The following DNAAF11 variants were observed in gnomAD, a reference collection of about 807,000 sequenced individuals.
The protein encoded by DNAAF11 is leucine rich repeat containing 6.
Under a neutral mutation model 60.8 loss-of-function variants are expected in DNAAF11, and 45 were observed. The observed-to-expected ratio is 0.74, with a 90% CI of 0.58 to 0.95. DNAAF11 has a LOEUF of 0.95. Among genes scored for constraint, DNAAF11 ranks in the 40% least tolerant of loss-of-function variants. DNAAF11 has a pLI of 0.00. For missense variants in DNAAF11, 546 were observed against 546.2 expected, an observed-to-expected ratio of 1.00 and a Z score of 0.00; for synonymous variants, 191 against 183.5, an observed-to-expected ratio of 1.04 and a Z score of -0.33.
Position 132,615,102 on chromosome 8 carries a change from G to A in DNAAF11, c.915-5C>T, listed in dbSNP as rs1228015328. 1 of 1,595,200 alleles carries A rather than the reference G, an allele frequency of 6.3e-7. No individual in the cohort carries two copies. The highest frequency in any genetic ancestry group is 1.3e-5 in the African/African-American group (1 of 74,558). ...TCTTTCAAAGAGAAGTCAATTCTAA[G>A]AATAACACATTTGGTGGGAAAAAAG... On this transcript the variant is annotated splice_region_variant and splice_polypyrimidine_tract_variant and intron_variant, in intron 7 of 11. Transcript: ENST00000620350.
At chr8:132,650,325 A>C (rs942189651) in intron 3 of DNAAF11, among the ~76,000 whole-genome samples, 6 of 152,056 alleles carry the variant, frequency 3.9e-5, no homozygotes, top group Non-Finnish European at 7.4e-5. Flanking sequence ...CAATGAGAAC[A>C]CATGGACACA....
Position 132,611,351 on chromosome 8 carries a change from G to A in DNAAF11, c.987C>T (p.Thr329=). The A allele has an allele frequency of 1.2e-6, 2 of 1,603,874 alleles. No homozygotes were observed. Among genetic ancestry groups the A allele is most frequent in the Non-Finnish European group, 1.7e-6 (2 of 1,171,496 alleles). Residue 329 remains threonine, a synonymous_variant, in exon 9 of 12, where the codon ACC becomes ACT. Coordinates refer to ENST00000620350, the MANE Select transcript of DNAAF11 (RefSeq NM_012472.6). ...GTTGCACATCAACATCGATTAAAGA[G>A]GTATCCATATACCTTCAAAATTAAA... ...LDLAVYRYMD[T]SLIDVDVQPT... is the part of the protein sequence containing the mutation.
intron 1 of DNAAF11, among the ~76,000 whole-genome samples, chr8:132,674,169 GAGGAGGAGGAGA>G (rs1563726316): frequency 7.2e-6 from 1 of 139,462 alleles, no homozygotes; most frequent in Non-Finnish European, 1.6e-5. Context: ...GAAGGAGAAG[GAGGAGGAGGAGA>G]AGGAGGAGGA....
At chr8:132,626,297 C>T (rs1255921822) in intron 5 of DNAAF11, among the ~76,000 whole-genome samples, 8 of 152,270 alleles carry the variant, frequency 5.3e-5, no homozygotes, top group African/African-American at 1.4e-4. Flanking sequence ...ATGATCCACC[C>T]GCCTCGGCCT....
chr8:132,668,043 G>A (rs1248713906), intron 1 of DNAAF11, among the ~76,000 whole-genome samples: 1 of 151,958 alleles, frequency 6.6e-6, no homozygotes. Flanking sequence ...TGTATTTATT[G>A]AAGATTTTGT....
chr8:132,679,653 C>G (rs532387563), upstream of DNAAF11, among the ~76,000 whole-genome samples: 157 of 152,272 alleles, frequency 1.0e-3, 1 homozygote, highest in African/African-American at 3.5e-3. Flanking sequence ...TGGGAGGGAC[C>G]TGGTGGGAGG....
chr8:132,655,905 A>G (rs111581436), intron 3 of DNAAF11, among the ~76,000 whole-genome samples: 20 of 151,806 alleles, frequency 1.3e-4, no homozygotes, highest in East Asian at 3.9e-4. Context: ...GACTATCAGT[A>G]TAAGTACAAA....
intron 3 of DNAAF11, chr8:132,643,740 T>C: frequency 2.2e-6 from 1 of 456,016 alleles, no homozygotes; most frequent in Admixed American, 2.4e-5. Context: ...GTGCAATACT[T>C]GGAGACAAGC....
At chr8:132,652,712 G>A (rs1458111136) in intron 3 of DNAAF11, among the ~76,000 whole-genome samples, 1 of 151,984 alleles carries the variant, frequency 6.6e-6, no homozygotes, top group Non-Finnish European at 1.5e-5. Flanking sequence ...AACACCACAC[G>A]TTCTCACTCA....
Position 132,632,904 on chromosome 8 carries a change from T to G in DNAAF11, c.489A>C (p.Ser163=), listed in dbSNP as rs753194043. ...GCTCTCTGATTTGTGGTTCAATTAC[T>G]GAATAGTCCTGCAATGCCTTAATCC... ...SERIKALQDY[S]VIEPQIREQE... The change falls in exon 5 of 12, where the codon TCA becomes TCC. Residue 163 remains serine, a synonymous_variant. Coordinates refer to ENST00000620350, the MANE Select transcript of DNAAF11 (RefSeq NM_012472.6). 1.9e-6 allele frequency: 3 copies of G among 1,613,956 alleles called. No homozygotes were observed. The East Asian group carries it at 6.7e-5, about 36-fold the overall frequency.
intron 11 of DNAAF11, among the ~76,000 whole-genome samples, chr8:132,573,117 G>T (rs1814384161): frequency 6.6e-6 from 1 of 151,108 alleles, no homozygotes; most frequent in Admixed American, 6.6e-5. Context: ...TATAGATACA[G>T]ATATAGATAT....
At chr8:132,671,017 T>C (rs1825138390) in intron 1 of DNAAF11, among the ~76,000 whole-genome samples, 1 of 152,046 alleles carries the variant, frequency 6.6e-6, no homozygotes, top group Non-Finnish European at 1.5e-5. Context: ...GAAAGACTCT[T>C]CCCGTAAGAA....
the DNAAF11 span, among the ~76,000 whole-genome samples, chr8:132,697,887 G>A: frequency 6.6e-6 from 1 of 152,192 alleles, no homozygotes; most frequent in African/African-American, 2.4e-5. Context: ...TAGGTGCAAT[G>A]AGAAGCAAGG....
the DNAAF11 span, among the ~76,000 whole-genome samples, chr8:132,696,013 G>A: frequency 6.6e-6 from 1 of 152,298 alleles, no homozygotes; most frequent in Non-Finnish European, 1.5e-5. Context: ...CTGGAAAGAT[G>A]GTGATGGTTA....
chr8:132,649,400 A>C (rs1489605290), intron 3 of DNAAF11, among the ~76,000 whole-genome samples: 2 of 152,220 alleles, frequency 1.3e-5, no homozygotes, highest in Non-Finnish European at 2.9e-5. Context: ...GTTAGACCTA[A>C]AACCATAAAA....
upstream of DNAAF11, chr8:132,675,558 T>G: frequency 1.4e-6 from 2 of 1,476,186 alleles, no homozygotes; most frequent in Non-Finnish European, 1.8e-6. Context: ...TTTTCACCCT[T>G]CACCCCTGCT....
intron 10 of DNAAF11, among the ~76,000 whole-genome samples, chr8:132,607,778 ACT>A (rs1272034102): frequency 6.6e-6 from 1 of 151,776 alleles, no homozygotes; most frequent in Non-Finnish European, 1.5e-5. Flanking sequence ...GCAAAATCTC[ACT>A]CTCTTTAGGG....
At chr8:132,638,136 GCAAA>G (rs1197244123) in intron 3 of DNAAF11, 29 bp from the exon 4 acceptor site, 1 of 1,592,910 alleles carries the variant, frequency 6.3e-7, no homozygotes. Flanking sequence ...TGAAAACAAA[GCAAA>G]CAAAGAAAAA....
the DNAAF11 span, among the ~76,000 whole-genome samples, chr8:132,702,401 T>C: frequency 6.6e-6 from 1 of 152,218 alleles, no homozygotes; most frequent in East Asian, 1.9e-4. Flanking sequence ...TTTATACCAT[T>C]CTAACTTGTG....
Sources: allele counts gnomAD v4.1 joint callset (sites outside exome capture counted in the v4.1 genomes callset), GRCh38; gene constraint gnomAD v4.1.1; transcripts MANE v1.5; gene names NCBI Gene and HGNC (gene_info 2026-07-23, HGNC 2026-07-21).